B3GAT2: variants seen among roughly 807,000 people sequenced by gnomAD.
B3GAT2 encodes galactosylgalactosylxylosylprotein 3-beta-glucuronosyltransferase 2.
B3GAT2 carries 26 observed loss-of-function variants against 27.8 expected under a neutral mutation model. The ratio of observed to expected loss-of-function variants is 0.93; its 90% CI spans 0.68 to 1.30. The LOEUF (loss-of-function observed/expected upper bound fraction) is 1.30, where lower values mean the gene tolerates loss of function less well. B3GAT2 is among the 50% of genes most tolerant of loss of function. The probability of loss-of-function intolerance (pLI) is 0.00; values close to 1 mark genes in which losing one functional copy is unlikely to be tolerated. For synonymous variants in B3GAT2, 218 were observed against 195.1 expected (o/e 1.12, Z -0.98); for missense variants, 458 against 459.0 (o/e 1.00, Z 0.02).
At chr6:70,935,437 G>C (rs1311269220) in intron 1 of B3GAT2, among the ~76,000 whole-genome samples, 1 of 151,340 alleles carries the variant, frequency 6.6e-6, no homozygotes, top group Non-Finnish European at 1.5e-5. Context: ...CTGGGCAACA[G>C]AGAGAGACCC....
At chr6:70,868,130 A>G (rs1377392415) in intron 2 of B3GAT2, among the ~76,000 whole-genome samples, 1 of 152,212 alleles carries the variant, frequency 6.6e-6, no homozygotes, top group South Asian at 2.1e-4. Context: ...AAAGCCTCTC[A>G]GCAAACTAAG....
At chr6:70,913,391 C>T (rs1296972149) in intron 1 of B3GAT2, among the ~76,000 whole-genome samples, 4 of 152,028 alleles carry the variant, frequency 2.6e-5, no homozygotes, top group African/African-American at 4.8e-5. Flanking sequence ...CAGATATTTT[C>T]GTATATTTTA....
chr6:70,860,619 C>T lies in B3GAT2; in HGVS notation c.*1044G>A, dbSNP rs1562209538. ...CAACTTGCAAAATCAGTTTTCCTCT[C>T]AATAAAATTATAGCTCTAATGTTTG... On this transcript the variant is annotated 3_prime_UTR_variant, in exon 4 of 4. Coordinates refer to ENST00000230053, the MANE Select transcript of B3GAT2 (RefSeq NM_080742.3). The T allele has an allele frequency of 2.1e-5, 9 of 432,214 alleles. No homozygotes were observed. In the South Asian group the frequency reaches 5.4e-4, roughly 26 times the overall value. 26.8% of individuals were successfully genotyped at this position (432,214 alleles called of 1,614,324 possible).
chr6:70,873,890 C>G (rs1280910026), intron 2 of B3GAT2, among the ~76,000 whole-genome samples: 2 of 152,064 alleles, frequency 1.3e-5, no homozygotes, highest in Non-Finnish European at 2.9e-5. Flanking sequence ...CTATTTGGTT[C>G]TTTTTAAAAA....
At chr6:70,953,770 G>T (rs1765609699) in intron 1 of B3GAT2, among the ~76,000 whole-genome samples, 2 of 152,010 alleles carry the variant, frequency 1.3e-5, no homozygotes, top group Non-Finnish European at 2.9e-5. Context: ...AAAGTTTTGC[G>T]TTTTTCCTTT....
chr6:70,956,721 G>A lies in B3GAT2; in HGVS notation c.-292C>T, dbSNP rs569875120. On this transcript the variant is annotated 5_prime_UTR_variant, in exon 1 of 4. Transcript: ENST00000230053. ...GGACTCGGTCCAGCCGCGCGCCGCCGGTCCCGGAGTTGTGCCGAGTGCGGG... is the reference window on the plus strand; with the variant it reads ...GGACTCGGTCCAGCCGCGCGCCGCCAGTCCCGGAGTTGTGCCGAGTGCGGG... 128 of 1,326,326 alleles carry A rather than the reference G, an allele frequency of 9.7e-5. No homozygotes were observed. Among genetic ancestry groups the A allele is most frequent in the Non-Finnish European group, 1.2e-4 (122 of 1,038,368 alleles). The allele number at this position is 1,326,326 out of a possible 1,614,324, so 82.2% of individuals were successfully genotyped here.
At chr6:70,895,774 T>A (rs1329044637) in intron 1 of B3GAT2, among the ~76,000 whole-genome samples, 1 of 152,092 alleles carries the variant, frequency 6.6e-6, no homozygotes, top group Non-Finnish European at 1.5e-5. Context: ...TAATCTCTTA[T>A]CATTTTTTCA....
chr6:70,878,006 T>A (rs1242736870), intron 2 of B3GAT2, among the ~76,000 whole-genome samples: 1 of 152,202 alleles, frequency 6.6e-6, no homozygotes, highest in African/African-American at 2.4e-5. Context: ...TTAATTATCA[T>A]TATTATGTAA....
At chr6:70,955,242 G>A (rs1243013782) in intron 1 of B3GAT2, among the ~76,000 whole-genome samples, 1 of 151,464 alleles carries the variant, frequency 6.6e-6, no homozygotes, top group Admixed American at 6.6e-5. Context: ...AAGAGAGGAA[G>A]GACCTCCATA....
At chr6:70,894,972 A>G (rs914003088) in intron 1 of B3GAT2, among the ~76,000 whole-genome samples, 1 of 152,212 alleles carries the variant, frequency 6.6e-6, no homozygotes, top group Non-Finnish European at 1.5e-5. Flanking sequence ...GATGCCCACA[A>G]GAAAGCTTGC....
intron 1 of B3GAT2, among the ~76,000 whole-genome samples, chr6:70,950,670 G>A (rs181386795): frequency 4.5e-4 from 69 of 152,248 alleles, no homozygotes; most frequent in Non-Finnish European, 5.9e-4. Flanking sequence ...CTATATTACC[G>A]TCAGGTTGCA....
chr6:70,863,652 G>GT (rs780806369), intron 2 of B3GAT2, among the ~76,000 whole-genome samples: 4 of 152,094 alleles, frequency 2.6e-5, no homozygotes, highest in African/African-American at 9.7e-5. Context: ...CGAGAGAAGT[G>GT]TAACACTTCA....
chr6:70,951,975 C>A (rs1013928572), intron 1 of B3GAT2, among the ~76,000 whole-genome samples: 3 of 152,090 alleles, frequency 2.0e-5, no homozygotes, highest in Admixed American at 6.5e-5. Flanking sequence ...TGTTTCCTTT[C>A]AGGAAACATA....
chr6:70,913,657 T>A (rs1334811876), intron 1 of B3GAT2, among the ~76,000 whole-genome samples: 1 of 152,266 alleles, frequency 6.6e-6, no homozygotes, highest in Non-Finnish European at 1.5e-5. Context: ...CATGTGGCGA[T>A]GAGAAGAATG....
At chr6:70,894,867 G>A (rs996821257) in intron 1 of B3GAT2, among the ~76,000 whole-genome samples, 7 of 152,176 alleles carry the variant, frequency 4.6e-5, no homozygotes, top group South Asian at 2.1e-4. Flanking sequence ...ACTAGAGACC[G>A]TTGGAATCGC....
intron 1 of B3GAT2, among the ~76,000 whole-genome samples, chr6:70,916,520 T>C (rs1489026223): frequency 1.3e-5 from 2 of 152,012 alleles, no homozygotes; most frequent in East Asian, 1.9e-4. Flanking sequence ...ATTCAGTATA[T>C]TGGCTGTGGG....
At position 70,857,069 on chromosome 6, in the gene B3GAT2, G is replaced by C. The variant is rs377758809; in HGVS notation, c.*4594C>G. The C allele has an allele frequency of 1.9e-6, 3 of 1,542,546 alleles. No homozygotes were observed. Among genetic ancestry groups the C allele is most frequent in the Non-Finnish European group, 2.6e-6 (3 of 1,137,408 alleles). ...ATATCTGCTTTCAGTGACATTACTA[G>C]AAGTACATCCTTTGTAATTATATAA... On this transcript the variant is annotated 3_prime_UTR_variant, in exon 4 of 4. Coordinates refer to ENST00000230053, the MANE Select transcript of B3GAT2 (RefSeq NM_080742.3).
At chr6:70,874,156 T>C (rs948827557) in intron 2 of B3GAT2, among the ~76,000 whole-genome samples, 1 of 152,198 alleles carries the variant, frequency 6.6e-6, no homozygotes, top group African/African-American at 2.4e-5. Context: ...ACTGAACATT[T>C]GAAATAATAT....
chr6:70,862,983 A>G (rs1771787966), intron 2 of B3GAT2, among the ~76,000 whole-genome samples: 1 of 152,204 alleles, frequency 6.6e-6, no homozygotes, highest in African/African-American at 2.4e-5. Context: ...GTCTCAAAGA[A>G]AAAAGAATCA....
Sources: gnomAD v4.1 joint callset for allele counts (sites outside exome capture counted in the v4.1 genomes callset) on GRCh38, gnomAD v4.1.1 for gene constraint, MANE v1.5 for transcripts, NCBI Gene and HGNC (gene_info 2026-07-23, HGNC 2026-07-21) for gene names.